The following CTNNA2 variants were observed in gnomAD, a reference collection of about 807,000 sequenced individuals.
CTNNA2 encodes the protein catenin alpha-2.
Under a neutral mutation model 101.0 loss-of-function variants are expected in CTNNA2, and 42 were observed. The observed-to-expected ratio is 0.42, with a 90% confidence interval of 0.32 to 0.54. The LOEUF (loss-of-function observed/expected upper bound fraction) is 0.54. Among genes scored for constraint, CTNNA2 ranks in the 20% least tolerant of loss-of-function variants. The pLI is 0.14. For synonymous variants in CTNNA2, 450 were observed against 456.4 expected (o/e 0.99, Z 0.18); for missense variants, 871 against 1,223.1 (o/e 0.71, Z 4.29).
At chr2:80,153,887 G>A (rs1411599284) in intron 7 of CTNNA2, among the ~76,000 whole-genome samples, 1 of 152,146 alleles carries the variant, frequency 6.6e-6, no homozygotes, top group Non-Finnish European at 1.5e-5. Context: ...ATATGAGAGT[G>A]AATATAGTGT....
intron 9 of CTNNA2, among the ~76,000 whole-genome samples, chr2:80,449,780 G>A (rs1683351749): frequency 2.6e-5 from 4 of 152,192 alleles, no homozygotes; most frequent in East Asian, 1.9e-4. Context: ...TGGGGGCCAT[G>A]TGCCTTTCTG....
chr2:80,330,970 A>G (rs545237485), intron 7 of CTNNA2, among the ~76,000 whole-genome samples: 21 of 152,154 alleles, frequency 1.4e-4, no homozygotes, highest in Non-Finnish European at 2.9e-4. Context: ...TTGGTTCCAA[A>G]AGGACCATGC....
At chr2:79,207,838 G>A (rs1187400024) in intron 2 of CTNNA2, among the ~76,000 whole-genome samples, 3 of 152,148 alleles carry the variant, frequency 2.0e-5, no homozygotes, top group Non-Finnish European at 4.4e-5. Context: ...GGACCATGGT[G>A]TCTCCAGCAG....
intron 2 of CTNNA2, among the ~76,000 whole-genome samples, chr2:79,687,124 T>G (rs1438899806): frequency 6.6e-6 from 1 of 152,108 alleles, no homozygotes; most frequent in Non-Finnish European, 1.5e-5. Context: ...ATAGACAGGC[T>G]TATGTGGGAA....
chr2:79,701,910 G>A (rs866158763), intron 2 of CTNNA2, among the ~76,000 whole-genome samples: 1 of 149,332 alleles, frequency 6.7e-6, no homozygotes, highest in African/African-American at 2.5e-5. Context: ...GCTAAGGCAC[G>A]AGCATTTCTT....
intron 8 of CTNNA2, among the ~76,000 whole-genome samples, chr2:80,412,903 T>C (rs932390997): frequency 6.6e-6 from 1 of 152,136 alleles, no homozygotes; most frequent in Non-Finnish European, 1.5e-5. Flanking sequence ...TGAATGAGCC[T>C]TTCAAATGTC....
intron 7 of CTNNA2, among the ~76,000 whole-genome samples, chr2:80,366,400 T>C (rs761219367): frequency 6.6e-5 from 10 of 152,148 alleles, no homozygotes; most frequent in Non-Finnish European, 1.2e-4. Flanking sequence ...AAAGGTGCAC[T>C]GTGGTGGCAG....
chr2:79,744,277 T>C, intron 2 of CTNNA2, 110 bp from the exon 3 acceptor site: 1 of 1,045,844 alleles, frequency 9.6e-7, no homozygotes. Context: ...CATGATTTAG[T>C]ATTGAAATCC....
intron 1 of CTNNA2, among the ~76,000 whole-genome samples, chr2:79,582,934 C>T (rs941167510): frequency 1.3e-5 from 2 of 151,912 alleles, no homozygotes; most frequent in East Asian, 3.9e-4. Flanking sequence ...TTTTTCTGAC[C>T]CTGTAGTTTT....
intron 1 of CTNNA2, among the ~76,000 whole-genome samples, chr2:79,638,312 A>G (rs2566555): frequency 0.021 from 3,127 of 152,266 alleles, 53 homozygotes; most frequent in Non-Finnish European, 0.034. Flanking sequence ...TTTTTGGCTC[A>G]TAAATACAAA....
chr2:79,703,275 C>T (rs1271176016), intron 2 of CTNNA2, among the ~76,000 whole-genome samples: 1 of 152,184 alleles, frequency 6.6e-6, no homozygotes, highest in African/African-American at 2.4e-5. Context: ...GTTCAAAAAT[C>T]TATTACTTGA....
At chr2:80,010,931 T>C (rs1483833652) in intron 7 of CTNNA2, among the ~76,000 whole-genome samples, 4 of 152,166 alleles carry the variant, frequency 2.6e-5, no homozygotes, top group African/African-American at 9.7e-5. Context: ...AGGGTCTCCA[T>C]ATATAGATTT....
chr2:80,076,934 T>C (rs1014386370), intron 7 of CTNNA2, among the ~76,000 whole-genome samples: 1 of 151,804 alleles, frequency 6.6e-6, no homozygotes, highest in African/African-American at 2.4e-5. Flanking sequence ...TAGTCCCAGC[T>C]ACTTGGGAGG....
chr2:80,609,985 G>A (rs1698326787), intron 17 of CTNNA2, among the ~76,000 whole-genome samples: 1 of 151,724 alleles, frequency 6.6e-6, no homozygotes, highest in South Asian at 2.1e-4. Context: ...AGGTGTTTGA[G>A]ATTGGGAACA....
intron 2 of CTNNA2, among the ~76,000 whole-genome samples, chr2:79,216,271 G>GAGA (rs916677775): frequency 2.0e-5 from 3 of 151,946 alleles, no homozygotes; most frequent in Admixed American, 6.6e-5. Flanking sequence ...CAGGCTAAGG[G>GAGA]AGAAGAAGGA....
At chr2:80,286,611 T>C (rs990051523) in intron 7 of CTNNA2, among the ~76,000 whole-genome samples, 1 of 152,206 alleles carries the variant, frequency 6.6e-6, no homozygotes, top group African/African-American at 2.4e-5. Context: ...TTTCACATCG[T>C]GGATTGTGCT....
intron 15 of CTNNA2, 165 bp from the exon 16 acceptor site, chr2:80,603,906 GACT>G: frequency 5.8e-6 from 3 of 513,644 alleles, no homozygotes; most frequent in South Asian, 6.5e-5. Flanking sequence ...TTCCAAAAAC[GACT>G]ACTAATATAG....
At chr2:80,540,149 C>T (rs575945502) in intron 9 of CTNNA2, among the ~76,000 whole-genome samples, 1 of 152,288 alleles carries the variant, frequency 6.6e-6, no homozygotes, top group African/African-American at 2.4e-5. Flanking sequence ...GTCCACCATT[C>T]CTTTCCTCCT....
chr2:79,780,879 T>A (rs1260985846), intron 3 of CTNNA2, among the ~76,000 whole-genome samples: 1 of 152,206 alleles, frequency 6.6e-6, no homozygotes, highest in African/African-American at 2.4e-5. Context: ...AAGGTAGTAT[T>A]TTCTTTGTTT....
Sources: allele counts gnomAD v4.1 joint callset (sites outside exome capture counted in the v4.1 genomes callset), GRCh38; gene constraint gnomAD v4.1.1; transcripts MANE v1.5; gene names NCBI Gene and HGNC (gene_info 2026-07-23, HGNC 2026-07-21).